Variants in KIF1C observed in about 807,000 individuals in gnomAD.
KIF1C encodes the protein kinesin-like protein KIF1C.
KIF1C carries 61 observed loss-of-function variants against 126.5 expected under a neutral mutation model. The ratio of observed to expected loss-of-function variants is 0.48; its 90% CI spans 0.39 to 0.60. The LOEUF (loss-of-function observed/expected upper bound fraction) is 0.60. Among genes scored for constraint, KIF1C ranks in the 20% least tolerant of loss-of-function variants. The pLI is 0.00. For synonymous variants in KIF1C, 640 were observed against 580.6 expected, an observed-to-expected ratio of 1.10 and a Z score of -1.47; for missense variants, 1,315 against 1,489.2, an observed-to-expected ratio of 0.88 and a Z score of 1.93.
Position 5,002,805 on chromosome 17 carries a change from G to T in KIF1C, c.683G>T (p.Arg228Leu). The T allele has an allele frequency of 6.2e-7, 1 of 1,613,734 alleles. No homozygotes were observed. Among genetic ancestry groups the T allele is most frequent in the African/African-American group, 1.3e-5 (1 of 74,926 alleles). The change falls in exon 8 of 23, where the codon CGC becomes CTC. Residue 228 changes from arginine to leucine, a missense_variant. Arg to Leu is a moderately radical substitution (Grantham distance 102). Transcript: ENST00000320785. ...GTCTTTACCATCGTCTTCACACAGC[G>T]CTGCCATGACCAGCTCACGGGGCTG... The part of the protein sequence containing the change: ...HAVFTIVFTQ[R>L]CHDQLTGLDS...
intron 6 of KIF1C, 101 bp from the exon 7 acceptor site, chr17:5,002,363 T>C: frequency 8.5e-7 from 1 of 1,181,484 alleles, no homozygotes; most frequent in East Asian, 2.4e-5. Context: ...GCACTGTGTA[T>C]TAGCTGCAGT....
At chr17:5,001,629 T>G (rs1974595606) in intron 5 of KIF1C, among the ~76,000 whole-genome samples, 1 of 152,242 alleles carries the variant, frequency 6.6e-6, no homozygotes, top group African/African-American at 2.4e-5. Flanking sequence ...TTGGCATCAG[T>G]GAGCCTTGGG....
intron 5 of KIF1C, 95 bp downstream of exon 5, chr17:5,001,496 G>A (rs1042387677): frequency 1.6e-6 from 2 of 1,254,860 alleles, no homozygotes; most frequent in Non-Finnish European, 2.2e-6. Context: ...ATGGAACAGA[G>A]ACCTGGCTCT....
intron 16 of KIF1C, chr17:5,011,736 G>T (rs563457803): frequency 6.6e-6 from 1 of 152,158 alleles, no homozygotes; most frequent in Non-Finnish European, 1.5e-5. Context: ...ACCTCTGGGG[G>T]ACACAGCTTT....
intron 5 of KIF1C, 50 bp downstream of exon 5, chr17:5,001,451 C>T: frequency 1.9e-6 from 3 of 1,556,532 alleles, no homozygotes; most frequent in Non-Finnish European, 2.6e-6. Context: ...TCTTTAGCTG[C>T]CCTCTGAGGA....
In KIF1C at chr17:5,022,776, C is replaced by T; in HGVS notation, c.2628+67C>T. Reference sequence around the variant, plus strand: ...CTTCACTTTAGGAGTCTGAACCTTCCATCTCAGAGCCTAACCTTCCCCAAG... The same window carrying T: ...CTTCACTTTAGGAGTCTGAACCTTCTATCTCAGAGCCTAACCTTCCCCAAG... On this transcript the variant is annotated intron_variant, in intron 22 of 22. Transcript: ENST00000320785. The surrounding 1 kb of genome is among the most constrained non-coding windows in gnomAD (Gnocchi z 4.9). 7.0e-7 allele frequency: 1 copy of T among 1,422,752 alleles called. No individual in the cohort carries two copies. Among genetic ancestry groups the T allele is most frequent in the South Asian group, 1.6e-5 (1 of 60,778 alleles). The allele number at this position is 1,422,752 out of a possible 1,614,324, so 88.1% of individuals were successfully genotyped here. A position where few individuals can be genotyped will look rare whatever the true frequency, so the allele number is the denominator to read the frequency against.
At position 5,002,822 on chromosome 17, in the gene KIF1C, A is replaced by G; in HGVS notation, c.700A>G (p.Thr234Ala). The G allele has an allele frequency of 6.2e-7, 1 of 1,608,204 alleles. No homozygotes were observed. The highest frequency in any genetic ancestry group is 8.5e-7 in the Non-Finnish European group (1 of 1,176,088). The change falls in exon 8 of 23, where the codon ACG becomes GCG. Residue 234 changes from threonine (T) to alanine (A), a missense_variant. Thr to Ala is a moderately conservative substitution (Grantham distance 58). Around this residue, in one of 2 missense-constraint regions of KIF1C, gnomAD observed 874 missense variants for 1,053.2 expected, o/e 0.83. Transcript: ENST00000320785. ...VFTQRCHDQL[T>A]GLDSEKVSKI... Reference sequence around the variant, plus strand: ...CACACAGCGCTGCCATGACCAGCTCACGGGGCTGGACTCGGAGAAGGTGGG... The same window carrying G: ...CACACAGCGCTGCCATGACCAGCTCGCGGGGCTGGACTCGGAGAAGGTGGG...
In KIF1C at chr17:5,022,626, C is replaced by T. The variant is rs202226954; in HGVS notation, c.2545C>T (p.Leu849=). ...KLTGILQEVK[L]QNSSKDRELQ... is the part of the protein sequence containing the mutation. The stretch of plus-strand genomic sequence containing the variant: ...GACGGGGATTCTGCAGGAGGTGAAG[C>T]TGCAGAACAGCAGCAAGGACCGGGA... The change falls in exon 22 of 23, where the codon CTG becomes TTG. Residue 849 remains leucine, a synonymous_variant. Coordinates refer to ENST00000320785, the MANE Select transcript of KIF1C (RefSeq NM_006612.6). The surrounding 1 kb of genome is among the most constrained non-coding windows in gnomAD (Gnocchi z 4.9). 9.3e-6 allele frequency: 15 copies of T among 1,606,524 alleles called. No individual in the cohort carries two copies. Among genetic ancestry groups the T allele is most frequent in the Non-Finnish European group, 1.3e-5 (15 of 1,175,950 alleles).
At chr17:5,019,479 ATGGATGTTTGGGT>A (rs1346636740) in intron 18 of KIF1C, 1 of 173,962 alleles carries the variant, frequency 5.7e-6, no homozygotes, top group Non-Finnish European at 1.4e-5. Flanking sequence ...GAGCAGCTAG[ATGGATGTTTGGGT>A]TGGGTTGACT....
chr17:5,001,939 C>T lies in KIF1C; in HGVS notation c.364-120C>T, dbSNP rs767474957. ...CATCTGTGAAATGGGAATAACCCCT[C>T]CCTCAAGGCTGTAGCAAGGGTTAAA... On this transcript the variant is annotated intron_variant, in intron 5 of 22. Transcript: ENST00000320785. The T allele has an allele frequency of 2.8e-4, 236 of 849,216 alleles. 1 individual carries two copies. The highest frequency in any genetic ancestry group is 2.9e-4 in the Non-Finnish European group (149 of 508,890). The allele number at this position is 849,216 out of a possible 1,614,324, so 52.6% of individuals were successfully genotyped here.
In KIF1C at chr17:5,020,416, T is replaced by G; in HGVS notation, c.1751-76T>G. 1 of 1,420,410 alleles carries G rather than the reference T, an allele frequency of 7.0e-7. No individual in the cohort carries two copies. Among genetic ancestry groups the G allele is most frequent in the Non-Finnish European group, 9.6e-7 (1 of 1,043,232 alleles). The allele number at this position is 1,420,410 out of a possible 1,614,324, so 88.0% of individuals were successfully genotyped here. On this transcript the variant is annotated intron_variant, in intron 19 of 22. Transcript: ENST00000320785. This position sits in a 1 kb window ranked among gnomAD's most constrained non-coding sequence, Gnocchi z 5.8. ...GGGTGTCACAGCCCCTGTGCCAGAT[T>G]CTCTATGCCTTGGGTGTAGGGATGG...
At chr17:5,014,078 G>T (rs912097736) in intron 17 of KIF1C, 1 of 292,932 alleles carries the variant, frequency 3.4e-6, no homozygotes, top group Non-Finnish European at 6.4e-6. Flanking sequence ...ACACGGCCTG[G>T]TCTGTGCGGT....
At chr17:5,010,544 C>T (rs866648885) in intron 16 of KIF1C, among the ~76,000 whole-genome samples, 109 of 151,838 alleles carry the variant, frequency 7.2e-4, no homozygotes, top group Non-Finnish European at 1.4e-3. Context: ...GTCAGGAGAT[C>T]GAGACCATCC....
intron 18 of KIF1C, among the ~76,000 whole-genome samples, chr17:5,016,434 G>A (rs1263308215): frequency 1.3e-5 from 2 of 151,642 alleles, no homozygotes; most frequent in African/African-American, 4.8e-5. Context: ...TGTATTTTTA[G>A]TAGAGACAGG....
chr17:5,000,810 AG>A lies in KIF1C; in HGVS notation c.146del (p.Ser49ThrfsTer59). The A allele has an allele frequency of 6.2e-7, 1 of 1,614,036 alleles. No homozygotes were observed. Among genetic ancestry groups the A allele is most frequent in the Non-Finnish European group, 8.5e-7 (1 of 1,179,974 alleles). On this transcript the variant is annotated frameshift_variant, in exon 4 of 23. Transcript: ENST00000320785. LOFTEE classifies it high-confidence loss of function. Reference sequence around the variant, plus strand: ...TAAACAGAGCAAGGATGCCCCCAAAAGCTTCACCTTTGACTACTCCTACTGG... The same window carrying A: ...TAAACAGAGCAAGGATGCCCCCAAAACTTCACCTTTGACTACTCCTACTGG... Reference protein sequence around the residue: ...NPKQSKDAPKSFTFDYSYWSH... With the variant: ...NPKQSKDAPKXFTFDYSYWSH...
chr17:5,007,389 G>A lies in KIF1C; in HGVS notation c.1415+47G>A, dbSNP rs1232130762. 1.9e-6 allele frequency: 3 copies of A among 1,610,516 alleles called. No individual in the cohort carries two copies. The South Asian group carries it at 3.3e-5, about 18-fold the overall frequency. ...GTCCTGGGTGGAGTTGGAGGCCATGGGGGAGGTCAGGCCCCACAGGGAAGG... is the reference window on the plus strand; with the variant it reads ...GTCCTGGGTGGAGTTGGAGGCCATGAGGGAGGTCAGGCCCCACAGGGAAGG... On this transcript the variant is annotated intron_variant, in intron 15 of 22. Transcript: ENST00000320785.
At chr17:5,002,249 A>G in intron 6 of KIF1C, 125 bp downstream of exon 6, 1 of 1,032,348 alleles carries the variant, frequency 9.7e-7, no homozygotes, top group Non-Finnish European at 1.5e-6. Flanking sequence ...TGGGGCAGTG[A>G]TTCTGTCCTT....
chr17:5,004,840 T>C lies in KIF1C; in HGVS notation c.1020-15T>C. ...TGCCCCCAGGCCTCACCGACCCTGC[T>C]CCTCTGTCACCCAGGTATGCTGACC... On this transcript the variant is annotated splice_polypyrimidine_tract_variant and intron_variant, in intron 12 of 22. Transcript: ENST00000320785. The C allele has an allele frequency of 1.9e-6, 3 of 1,614,098 alleles. No homozygotes were observed. The highest frequency in any genetic ancestry group is 2.2e-5 in the East Asian group (1 of 44,892).
intron 18 of KIF1C, 142 bp from the exon 19 acceptor site, chr17:5,019,854 C>A: frequency 1.5e-6 from 1 of 656,208 alleles, no homozygotes; most frequent in African/African-American, 1.8e-5. Context: ...ACCAGAGGGG[C>A]CATGGCACCC....
Sources: allele counts gnomAD v4.1 joint callset (sites outside exome capture counted in the v4.1 genomes callset), GRCh38; gene constraint gnomAD v4.1.1; regional missense constraint gnomAD v4.1.1; non-coding constraint Gnocchi (gnomAD v3.1); transcripts MANE v1.5; gene names NCBI Gene and HGNC (gene_info 2026-07-23, HGNC 2026-07-21).